Variants in RABL3 observed in about 807,000 individuals in gnomAD.
RABL3 encodes rab-like protein 3.
RABL3 carries 31 observed loss-of-function variants against 31.8 expected under a neutral mutation model. The observed-to-expected ratio is 0.97, with a 90% CI of 0.73 to 1.31. RABL3 has a LOEUF of 1.31. RABL3 is among the 40% of genes most tolerant of loss of function. RABL3 has a pLI of 0.00. For missense variants in RABL3, 263 were observed against 279.6 expected, an observed-to-expected ratio of 0.94 and a Z score of 0.42; for synonymous variants, 97 against 99.9, an observed-to-expected ratio of 0.97 and a Z score of 0.18.
In RABL3 at chr3:120,688,351, T is replaced by C. The variant is rs1708339045; in HGVS notation, c.*1472A>G. The C allele has an allele frequency of 1.3e-5, 2 of 152,614 alleles. No individual in the cohort carries two copies. The highest frequency in any genetic ancestry group is 2.4e-5 in the African/African-American group (1 of 41,450). The allele number at this position is 152,614 out of a possible 1,614,324, so 9.5% of individuals were successfully genotyped here. A position where few individuals can be genotyped will look rare whatever the true frequency, so the allele number is the denominator to read the frequency against. The stretch of plus-strand genomic sequence containing the variant: ...CTTTGTGTCAAAAAGAAACCAGGGC[T>C]ATGTCCTTTCAAAGAGGAAGTAAAG... On this transcript the variant is annotated 3_prime_UTR_variant, in exon 8 of 8. Coordinates refer to ENST00000273375, the MANE Select transcript of RABL3 (RefSeq NM_173825.5).
chr3:120,706,055 A>G lies in RABL3; in HGVS notation c.328T>C (p.Ser110Pro). ...AAATCCCTGTTGAGAGCTTCCAATG[A>G]CCAACGACGCAAGTTTTGGGAGGAC... ...KKSSQNLRRWSLEALNRDLVP... is the reference protein window; with the variant it reads ...KKSSQNLRRWPLEALNRDLVP... Residue 110 changes from serine to proline, a missense_variant, in exon 4 of 8, where the codon TCA becomes CCA. Transcript: ENST00000273375. The G allele has an allele frequency of 6.2e-7, 1 of 1,614,054 alleles. No individual in the cohort carries two copies. The highest frequency in any genetic ancestry group is 1.3e-5 in the African/African-American group (1 of 75,050).
intron 2 of RABL3, among the ~76,000 whole-genome samples, chr3:120,729,442 A>G (rs1330918911): frequency 1.3e-5 from 2 of 152,216 alleles, no homozygotes; most frequent in Non-Finnish European, 2.9e-5. Context: ...ACAAGGAGAT[A>G]CATTTCCATG....
chr3:120,722,094 A>C (rs1030540419), intron 2 of RABL3: 1 of 152,212 alleles, frequency 6.6e-6, no homozygotes, highest in South Asian at 2.1e-4. Flanking sequence ...CCCCGATGTT[A>C]TTCTGACTAC....
chr3:120,705,176 T>C (rs1424386908), intron 4 of RABL3, among the ~76,000 whole-genome samples: 1 of 152,170 alleles, frequency 6.6e-6, no homozygotes, highest in African/African-American at 2.4e-5. Flanking sequence ...TAAATAAATT[T>C]AGAGATATAT....
At chr3:120,726,879 C>T (rs1708827853) in intron 2 of RABL3, among the ~76,000 whole-genome samples, 1 of 151,848 alleles carries the variant, frequency 6.6e-6, no homozygotes, top group Non-Finnish European at 1.5e-5. Context: ...TAACTGAAAT[C>T]AATCATTAAA....
intron 2 of RABL3, chr3:120,722,196 AG>A (rs1293604426): frequency 6.6e-6 from 1 of 152,106 alleles, no homozygotes; most frequent in East Asian, 1.9e-4. Flanking sequence ...ATAACCTGAG[AG>A]GCCTTTGCTT....
chr3:120,702,092 G>A (rs72962641), intron 4 of RABL3, among the ~76,000 whole-genome samples: 4 of 152,098 alleles, frequency 2.6e-5, no homozygotes, highest in African/African-American at 4.8e-5. Context: ...GGGGACACAC[G>A]AATACTTGGA....
chr3:120,735,567 T>C (rs1708950162), intron 1 of RABL3, among the ~76,000 whole-genome samples: 1 of 152,218 alleles, frequency 6.6e-6, no homozygotes, highest in East Asian at 1.9e-4. Context: ...TGATCTTAGT[T>C]ATTTCTTGCC....
chr3:120,715,800 TC>T (rs1000445156), intron 2 of RABL3, among the ~76,000 whole-genome samples: 7 of 152,240 alleles, frequency 4.6e-5, no homozygotes, highest in Admixed American at 2.0e-4. Flanking sequence ...GAGCACAGGT[TC>T]TTGAAGCAGA....
chr3:120,730,638 A>T (rs773427833), intron 2 of RABL3, 58 bp downstream of exon 2: 9 of 1,139,302 alleles, frequency 7.9e-6, no homozygotes, highest in East Asian at 4.7e-5. Context: ...TGATCATGTA[A>T]TTTGAAGCAG....
At chr3:120,730,832 A>G in intron 1 of RABL3, 45 bp from the exon 2 acceptor site, 1 of 1,331,016 alleles carries the variant, frequency 7.5e-7, no homozygotes, top group Admixed American at 1.7e-5. Flanking sequence ...GACAAGGCTG[A>G]AATCTGTTTT....
intron 1 of RABL3, among the ~76,000 whole-genome samples, chr3:120,735,798 A>G (rs554205656): frequency 1.3e-5 from 2 of 152,272 alleles, no homozygotes; most frequent in East Asian, 3.9e-4. Flanking sequence ...TCATTTCATT[A>G]TGTACCCAGT....
chr3:120,737,077 G>C (rs1275777288), intron 1 of RABL3, among the ~76,000 whole-genome samples: 1 of 152,186 alleles, frequency 6.6e-6, no homozygotes. Flanking sequence ...GGCCTGCCTT[G>C]CTACGTTGGG....
intron 4 of RABL3, among the ~76,000 whole-genome samples, chr3:120,705,708 A>G (rs1708540284): frequency 6.6e-6 from 1 of 152,234 alleles, no homozygotes; most frequent in Admixed American, 6.5e-5. Context: ...ATAAAAATGT[A>G]AAACCATAAA....
chr3:120,732,464 A>AT (rs1487025860), intron 1 of RABL3, among the ~76,000 whole-genome samples: 1 of 152,038 alleles, frequency 6.6e-6, no homozygotes. Flanking sequence ...TGGATGTTGG[A>AT]TTTTTATTCA....
At chr3:120,736,087 C>A (rs531940731) in intron 1 of RABL3, among the ~76,000 whole-genome samples, 16 of 152,258 alleles carry the variant, frequency 1.1e-4, no homozygotes, top group African/African-American at 3.4e-4. Flanking sequence ...GAGTTCAATT[C>A]CTGGATATGC....
intron 2 of RABL3, among the ~76,000 whole-genome samples, chr3:120,725,798 G>C (rs977435481): frequency 5.3e-5 from 8 of 152,078 alleles, no homozygotes; most frequent in African/African-American, 1.7e-4. Context: ...GGCCTATTGT[G>C]GGGAGGAGGG....
rs35389318 is a variant in RABL3, at chr3:120,709,787, G to A, written c.261C>T (p.Ser87=). The part of the protein sequence containing the change: ...VKSTRAVFYN[S]VNGIIFVHDL... ...AATTTAAAAATGTTTTACCATTTAC[G>A]GAGTTGTAGAATACTGCTCTTGTGC... The change falls in exon 3 of 8, where the codon TCC becomes TCT. Residue 87 remains serine (S), a synonymous_variant. Transcript: ENST00000273375. The A allele has an allele frequency of 5.6e-3, 9,016 of 1,607,196 alleles. 40 individuals are homozygous for A. The highest frequency in any genetic ancestry group is 6.8e-3 in the Non-Finnish European group (8,052 of 1,176,380).
intron 1 of RABL3, among the ~76,000 whole-genome samples, chr3:120,731,682 T>C (rs1708884790): frequency 1.3e-5 from 2 of 152,182 alleles, no homozygotes; most frequent in Non-Finnish European, 2.9e-5. Flanking sequence ...ATTTAGATCA[T>C]CTCTTTGATC....
Sources: gnomAD v4.1 joint callset for allele counts (sites outside exome capture counted in the v4.1 genomes callset) on GRCh38, gnomAD v4.1.1 for gene constraint, MANE v1.5 for transcripts, NCBI Gene and HGNC (gene_info 2026-07-23, HGNC 2026-07-21) for gene names.